Variants in CNTNAP2 observed in about 807,000 individuals in gnomAD.
CNTNAP2 encodes the protein contactin-associated protein-like 2.
Under a neutral mutation model 155.2 loss-of-function variants are expected in CNTNAP2, and 98 were observed. That is an observed-to-expected ratio of 0.63 (90% CI 0.54 to 0.75). The LOEUF is 0.75. CNTNAP2 is among the 30% of genes least tolerant of loss of function. CNTNAP2 has a pLI of 0.00. For missense variants in CNTNAP2, 1,727 were observed against 1,688.1 expected, an observed-to-expected ratio of 1.02 and a Z score of -0.40; for synonymous variants, 651 against 631.2, an observed-to-expected ratio of 1.03 and a Z score of -0.47.
chr7:147,410,000 C>T (rs761822323), intron 10 of CNTNAP2, among the ~76,000 whole-genome samples: 2 of 152,134 alleles, frequency 1.3e-5, no homozygotes, highest in African/African-American at 4.8e-5. Flanking sequence ...TGTGGTAATT[C>T]CTCAAAGATC....
chr7:147,482,995 G>T (rs941327705), intron 10 of CNTNAP2, among the ~76,000 whole-genome samples: 1 of 151,750 alleles, frequency 6.6e-6, no homozygotes, highest in African/African-American at 2.4e-5. Context: ...GCAGTGAGCC[G>T]AGATGGTGCC....
chr7:147,637,439 G>T (rs1017994290), intron 12 of CNTNAP2, among the ~76,000 whole-genome samples: 3 of 152,152 alleles, frequency 2.0e-5, no homozygotes, highest in African/African-American at 7.2e-5. Flanking sequence ...TTGAGCACCT[G>T]AAAGAATGGA....
chr7:147,113,798 G>A (rs984083171), intron 5 of CNTNAP2, among the ~76,000 whole-genome samples: 1 of 151,966 alleles, frequency 6.6e-6, no homozygotes, highest in African/African-American at 2.4e-5. Context: ...TTTTGTGTGT[G>A]CCTCTCTATT....
At chr7:146,384,975 A>G (rs943626220) in intron 1 of CNTNAP2, among the ~76,000 whole-genome samples, 2 of 152,186 alleles carry the variant, frequency 1.3e-5, no homozygotes, top group African/African-American at 2.4e-5. Context: ...AGCCAGAAAC[A>G]TAGTTGGTCT....
At chr7:148,056,169 C>G (rs1803004141) in intron 15 of CNTNAP2, among the ~76,000 whole-genome samples, 1 of 152,142 alleles carries the variant, frequency 6.6e-6, no homozygotes, top group African/African-American at 2.4e-5. Context: ...TTTGGGGAGA[C>G]AGTGAGAGAA....
intron 13 of CNTNAP2, among the ~76,000 whole-genome samples, chr7:147,811,421 G>A (rs973463462): frequency 6.6e-6 from 1 of 152,006 alleles, no homozygotes; most frequent in Admixed American, 6.6e-5. Flanking sequence ...TTAAAGAAGA[G>A]CAGTTTCACA....
chr7:147,773,057 T>C (rs1398080693), intron 13 of CNTNAP2, among the ~76,000 whole-genome samples: 1 of 152,216 alleles, frequency 6.6e-6, no homozygotes, highest in Non-Finnish European at 1.5e-5. Flanking sequence ...AAGAAAGTTA[T>C]ATCTTAATCA....
intron 15 of CNTNAP2, among the ~76,000 whole-genome samples, chr7:147,994,952 G>T (rs2116886042): frequency 6.6e-6 from 1 of 152,262 alleles, no homozygotes; most frequent in Non-Finnish European, 1.5e-5. Flanking sequence ...TACAGCAAAA[G>T]GATACAAAGC....
chr7:147,776,978 C>T (rs972441320), intron 13 of CNTNAP2, among the ~76,000 whole-genome samples: 4 of 151,584 alleles, frequency 2.6e-5, no homozygotes, highest in Admixed American at 2.6e-4. Context: ...GAATAAAGTA[C>T]ATGTCTCAAA....
At chr7:147,448,858 T>C (rs539331647) in intron 10 of CNTNAP2, among the ~76,000 whole-genome samples, 21 of 152,304 alleles carry the variant, frequency 1.4e-4, no homozygotes, top group South Asian at 1.0e-3. Flanking sequence ...ACTTATTTTA[T>C]TGTAATCTAT....
chr7:146,638,472 G>GTTTCTTTC (rs200043180), intron 1 of CNTNAP2, among the ~76,000 whole-genome samples: 10 of 100,104 alleles, frequency 1.0e-4, no homozygotes, highest in African/African-American at 2.8e-4. Context: ...ACAGTCAGGT[G>GTTTCTTTC]TTTCTTTTTT....
chr7:147,036,938 A>G (rs1293440743), intron 3 of CNTNAP2, among the ~76,000 whole-genome samples: 1 of 152,172 alleles, frequency 6.6e-6, no homozygotes, highest in African/African-American at 2.4e-5. Flanking sequence ...TTCAAGACCT[A>G]TGATAGTTTA....
chr7:147,511,679 AC>A (rs1442712282), intron 11 of CNTNAP2, among the ~76,000 whole-genome samples: 3 of 152,130 alleles, frequency 2.0e-5, no homozygotes, highest in Non-Finnish European at 2.9e-5. Context: ...AAAGTGCTTA[AC>A]AGGAGTATTT....
At chr7:147,739,117 T>TA (rs1554429136) in intron 13 of CNTNAP2, among the ~76,000 whole-genome samples, 1 of 150,636 alleles carries the variant, frequency 6.6e-6, no homozygotes, top group African/African-American at 2.4e-5. Context: ...ATTAATCTCC[T>TA]GCAAGTCATT....
At chr7:147,324,227 C>A (rs1161303238) in intron 9 of CNTNAP2, among the ~76,000 whole-genome samples, 1 of 152,060 alleles carries the variant, frequency 6.6e-6, no homozygotes, top group Admixed American at 6.6e-5. Flanking sequence ...TTTTGTTTAT[C>A]CCAGTACACT....
At chr7:146,453,739 A>G (rs1488673978) in intron 1 of CNTNAP2, among the ~76,000 whole-genome samples, 1 of 152,216 alleles carries the variant, frequency 6.6e-6, no homozygotes, top group Non-Finnish European at 1.5e-5. Flanking sequence ...AAGATATAAA[A>G]GAGACTCTGA....
chr7:148,010,264 G>A (rs1178089942), intron 15 of CNTNAP2, among the ~76,000 whole-genome samples: 1 of 151,446 alleles, frequency 6.6e-6, no homozygotes, highest in Non-Finnish European at 1.5e-5. Context: ...AAATATTAAT[G>A]TTTATAATTT....
intron 1 of CNTNAP2, among the ~76,000 whole-genome samples, chr7:146,661,724 CT>C (rs1169111932): frequency 1.3e-5 from 1 of 75,092 alleles, no homozygotes; most frequent in African/African-American, 4.4e-5. Flanking sequence ...TTCTTTCTTT[CT>C]TTCTTTCTTT....
chr7:147,094,527 G>A (rs967183095), intron 4 of CNTNAP2, among the ~76,000 whole-genome samples: 19 of 150,004 alleles, frequency 1.3e-4, no homozygotes, highest in South Asian at 1.1e-3. Flanking sequence ...TCAGCCTCCC[G>A]CGTAGCTGGG....
Sources: allele counts gnomAD v4.1 joint callset (sites outside exome capture counted in the v4.1 genomes callset), GRCh38; gene constraint gnomAD v4.1.1; transcripts MANE v1.5; gene names NCBI Gene and HGNC (gene_info 2026-07-23, HGNC 2026-07-21).